MDFIC: variants seen among roughly 807,000 people sequenced by gnomAD.
MDFIC encodes the protein myoD family inhibitor domain-containing protein.
In MDFIC, 17 loss-of-function variants were observed where a neutral mutation model predicts 23.2. That is an observed-to-expected ratio of 0.73 (90% CI 0.50 to 1.10). The LOEUF (loss-of-function observed/expected upper bound fraction) is 1.10. MDFIC is among the 50% of genes least tolerant of loss of function. The pLI is 0.00. For missense variants in MDFIC, 356 were observed against 316.6 expected, an observed-to-expected ratio of 1.12 and a Z score of -0.95; for synonymous variants, 120 against 115.2, an observed-to-expected ratio of 1.04 and a Z score of -0.27.
At chr7:114,977,792 T>C (rs1357629272) in intron 3 of MDFIC, among the ~76,000 whole-genome samples, 1 of 151,258 alleles carries the variant, frequency 6.6e-6, no homozygotes, top group Admixed American at 6.6e-5. Flanking sequence ...TTTTTATATA[T>C]AGGCATTTAA....
intron 2 of MDFIC, among the ~76,000 whole-genome samples, chr7:114,924,681 A>G (rs1481627695): frequency 6.6e-6 from 1 of 152,184 alleles, no homozygotes; most frequent in Non-Finnish European, 1.5e-5. Flanking sequence ...ATAGTTATAC[A>G]TTTTTATTAT....
intron 3 of MDFIC, among the ~76,000 whole-genome samples, chr7:114,966,788 A>G (rs1793105608): frequency 6.6e-6 from 1 of 152,242 alleles, no homozygotes; most frequent in South Asian, 2.1e-4. Flanking sequence ...TTTTGATGCC[A>G]CAGGGCAGGG....
At chr7:114,979,823 AAAT>A (rs757049660) in intron 4 of MDFIC, 42 bp downstream of exon 4, 1 of 1,583,538 alleles carries the variant, frequency 6.3e-7, no homozygotes, top group Non-Finnish European at 8.7e-7. Context: ...ACCAGATGTA[AAAT>A]AATATTTCCT....
At chr7:114,991,483 G>A (rs1020267225) in intron 4 of MDFIC, among the ~76,000 whole-genome samples, 1 of 152,142 alleles carries the variant, frequency 6.6e-6, no homozygotes, top group Non-Finnish European at 1.5e-5. Context: ...ATGGTTTTAG[G>A]TCTGACATTT....
Position 115,015,882 on chromosome 7 carries a change from T to C in MDFIC, c.688T>C (p.Ser230Pro). 6.2e-7 allele frequency: 1 copy of C among 1,614,210 alleles called. No homozygotes were observed. The highest frequency in any genetic ancestry group is 1.1e-5 in the South Asian group (1 of 91,076). The change falls in exon 5 of 5, where the codon TCA becomes CCA. Residue 230 changes from serine to proline, a missense_variant. By Grantham distance (74) the Ser-to-Pro change is moderately conservative. Coordinates refer to ENST00000393486, the MANE Select transcript of MDFIC (RefSeq NM_001166345.3). ...CGIMDACCES[S>P]DCLEICMECC... is the part of the protein sequence containing the mutation. ...CATCATGGATGCCTGTTGTGAATCA[T>C]CAGACTGCTTGGAAATCTGTATGGA...
At chr7:114,990,194 A>G (rs1454558491) in intron 4 of MDFIC, among the ~76,000 whole-genome samples, 1 of 152,192 alleles carries the variant, frequency 6.6e-6, no homozygotes. Flanking sequence ...AGCTTAATCT[A>G]TAATAAAAAG....
intron 4 of MDFIC, among the ~76,000 whole-genome samples, chr7:115,003,023 ACT>A (rs1325998460): frequency 6.6e-6 from 1 of 152,100 alleles, no homozygotes; most frequent in Non-Finnish European, 1.5e-5. Flanking sequence ...TCCTCACGTC[ACT>A]GCTATTCATT....
At chr7:114,967,640 T>A (rs2115897043) in intron 3 of MDFIC, among the ~76,000 whole-genome samples, 1 of 152,202 alleles carries the variant, frequency 6.6e-6, no homozygotes, top group East Asian at 1.9e-4. Flanking sequence ...CTTTGTAATA[T>A]CCCTTATTCC....
At chr7:114,925,618 G>A (rs1792174838) in intron 2 of MDFIC, among the ~76,000 whole-genome samples, 1 of 152,216 alleles carries the variant, frequency 6.6e-6, no homozygotes, top group South Asian at 2.1e-4. Flanking sequence ...AACCAGGATA[G>A]ATGTCAGACA....
intron 3 of MDFIC, among the ~76,000 whole-genome samples, chr7:114,966,405 C>CAAA (rs61377366): frequency 5.8e-5 from 7 of 121,302 alleles, no homozygotes; most frequent in African/African-American, 9.4e-5. Flanking sequence ...GTCAGGAAAC[C>CAAA]AAAAAAAAAA....
At position 114,979,755 on chromosome 7, in the gene MDFIC, C is replaced by T. The variant is rs755224157; in HGVS notation, c.467C>T (p.Ser156Phe). 6.2e-7 allele frequency: 1 copy of T among 1,613,768 alleles called. No homozygotes were observed. Among genetic ancestry groups the T allele is most frequent in the Non-Finnish European group, 8.5e-7 (1 of 1,179,734 alleles). Reference sequence around the variant, plus strand: ...AAGAGCAAAGTAAATGCTGTCTTTTCCCAAAAGACAGGCTCTTCACCTGAA... The same window carrying T: ...AAGAGCAAAGTAAATGCTGTCTTTTTCCAAAAGACAGGCTCTTCACCTGAA... ...SKKSKVNAVF[S>F]QKTGSSPEDC... Residue 156 changes from serine (S) to phenylalanine (F), a missense_variant, in exon 4 of 5, where the codon TCC (serine) becomes TTC (phenylalanine). Ser to Phe is a radical substitution (Grantham distance 155, BLOSUM62 -2). Transcript: ENST00000393486.
At chr7:114,956,369 A>G (rs181721351) in intron 3 of MDFIC, among the ~76,000 whole-genome samples, 67 of 151,606 alleles carry the variant, frequency 4.4e-4, no homozygotes, top group African/African-American at 1.5e-3. Flanking sequence ...ATATATATAT[A>G]TACACACACA....
chr7:115,015,764 G>A lies in MDFIC; in HGVS notation c.570G>A (p.Ala190=), dbSNP rs147852232. Residue 190 remains alanine (A), a synonymous_variant, in exon 5 of 5, where the codon GCG becomes GCA. Coordinates refer to ENST00000393486, the MANE Select transcript of MDFIC (RefSeq NM_001166345.3). ...LTLCNIVLGQ[A]SCGICTSEAC... is the part of the protein sequence containing the mutation. ...TTTGCAACATTGTCCTGGGACAAGC[G>A]TCATGTGGCATCTGCACCTCAGAAG... is the stretch of plus-strand genomic sequence containing the variant. 2,712 of 1,614,174 alleles carry A rather than the reference G, an allele frequency of 1.7e-3. 12 individuals are homozygous for A. Among genetic ancestry groups the A allele is most frequent in the African/African-American group, 0.012 (894 of 75,022 alleles).
Position 114,922,286 on chromosome 7 carries a change from T to G in MDFIC, c.-458T>G. The stretch of plus-strand genomic sequence containing the variant: ...CGAGGCCTTCCCGATCCGGATGTGA[T>G]GAAAAAGAGCAACAGAGGGAGAAGT... On this transcript the variant is annotated 5_prime_UTR_variant, in exon 1 of 5. It removes an upstream start codon present in the reference 5' UTR. Coordinates refer to ENST00000393486, the MANE Select transcript of MDFIC (RefSeq NM_001166345.3). The G allele has an allele frequency of 1.2e-6, 1 of 830,384 alleles. No homozygotes were observed. Among genetic ancestry groups the G allele is most frequent in the Non-Finnish European group, 1.6e-6 (1 of 622,272 alleles). 51.4% of individuals were successfully genotyped at this position (830,384 alleles called of 1,614,324 possible).
intron 3 of MDFIC, among the ~76,000 whole-genome samples, chr7:114,960,465 C>T (rs1311644729): frequency 6.6e-6 from 1 of 151,850 alleles, no homozygotes; most frequent in Non-Finnish European, 1.5e-5. Flanking sequence ...GTACCATGGC[C>T]TTTTTTTAAT....
At chr7:115,014,757 TAGA>T (rs1425708407) in intron 4 of MDFIC, among the ~76,000 whole-genome samples, 2 of 152,222 alleles carry the variant, frequency 1.3e-5, no homozygotes, top group African/African-American at 4.8e-5. Flanking sequence ...TATCTAGAAA[TAGA>T]AATTTCCTTC....
At chr7:114,930,290 A>C (rs895390017) in intron 2 of MDFIC, among the ~76,000 whole-genome samples, 1 of 152,154 alleles carries the variant, frequency 6.6e-6, no homozygotes, top group South Asian at 2.1e-4. Flanking sequence ...ATAGGGTTGG[A>C]GGTTGGCAGG....
At chr7:114,958,111 T>A (rs970137789) in intron 3 of MDFIC, among the ~76,000 whole-genome samples, 6 of 152,286 alleles carry the variant, frequency 3.9e-5, no homozygotes, top group Middle Eastern at 3.4e-3. Context: ...TTGTAATAAG[T>A]TGATTTTATT....
At position 115,019,653 on chromosome 7, in the gene MDFIC, T is replaced by C. The variant is rs1278290337; in HGVS notation, c.*3718T>C. 6.6e-6 allele frequency among the ~76,000 whole-genome samples: 1 copy of C among 152,148 alleles called. No individual in the cohort carries two copies. Among genetic ancestry groups the C allele is most frequent in the Non-Finnish European group, 1.5e-5 (1 of 68,002 alleles). On this transcript the variant is annotated 3_prime_UTR_variant, in exon 5 of 5. Coordinates refer to ENST00000393486, the MANE Select transcript of MDFIC (RefSeq NM_001166345.3). ...AGACCTTTATGCCCCTTCCAATTAC[T>C]TGTGATTTGTAGGCCTGTAGGATTG...
Sources: gnomAD v4.1 joint callset for allele counts (sites outside exome capture counted in the v4.1 genomes callset) on GRCh38, gnomAD v4.1.1 for gene constraint, MANE v1.5 for transcripts, NCBI Gene and HGNC (gene_info 2026-07-23, HGNC 2026-07-21) for gene names.